The following TMCC1 variants were observed in gnomAD, a reference collection of about 807,000 sequenced individuals.
TMCC1 encodes transmembrane and coiled-coil domain family 1.
Under a neutral mutation model 52.4 loss-of-function variants are expected in TMCC1, and 15 were observed. The observed-to-expected ratio is 0.29, with a 90% CI of 0.19 to 0.44. The LOEUF is 0.44. Ranked by LOEUF, TMCC1 falls within the 20% of genes least tolerant of loss-of-function variation. The probability of loss-of-function intolerance (pLI) is 1.00; values close to 1 mark genes in which losing one functional copy is unlikely to be tolerated. For missense variants in TMCC1, 503 were observed against 806.0 expected, an observed-to-expected ratio of 0.62 and a Z score of 4.55; for synonymous variants, 279 against 301.9, an observed-to-expected ratio of 0.92 and a Z score of 0.79.
intron 4 of TMCC1, among the ~76,000 whole-genome samples, chr3:129,816,187 A>G (rs1203853564): frequency 6.6e-6 from 1 of 152,216 alleles, no homozygotes; most frequent in East Asian, 1.9e-4. Context: ...TCCTTTAAAA[A>G]TTAAAAATAG....
At position 129,828,623 on chromosome 3, in the gene TMCC1, C is replaced by G. The variant is rs1438290635; in HGVS notation, c.-130-115G>C. On this transcript the variant is annotated intron_variant, in intron 3 of 6. Transcript: ENST00000393238. This position sits in a 1 kb window ranked among gnomAD's most constrained non-coding sequence, Gnocchi z 4.1. ...ACATGCTACTGGCCAAACAAATAGGCACTATCATTAAGCAATCTTTAATCA... is the reference window on the plus strand; with the variant it reads ...ACATGCTACTGGCCAAACAAATAGGGACTATCATTAAGCAATCTTTAATCA... 2 of 424,450 alleles carry G rather than the reference C, an allele frequency of 4.7e-6. No individual in the cohort carries two copies. The highest frequency in any genetic ancestry group is 8.3e-6 in the Non-Finnish European group (2 of 240,326). The allele number at this position is 424,450 out of a possible 1,614,324, so 26.3% of individuals were successfully genotyped here. A position where few individuals can be genotyped will look rare whatever the true frequency, so the allele number is the denominator to read the frequency against.
At chr3:129,794,299 C>T (rs1326319685) in intron 4 of TMCC1, 1 of 456,100 alleles carries the variant, frequency 2.2e-6, no homozygotes, top group Non-Finnish European at 4.4e-6. Context: ...TTCCCCTCCA[C>T]AAACATAGAA....
chr3:129,694,740 A>G (rs997035527), intron 4 of TMCC1, among the ~76,000 whole-genome samples: 6 of 152,194 alleles, frequency 3.9e-5, no homozygotes, highest in African/African-American at 1.4e-4. Flanking sequence ...TGAATAATCT[A>G]CCCCTTGTTT....
At chr3:129,841,912 G>A (rs2059438167) in intron 2 of TMCC1, among the ~76,000 whole-genome samples, 1 of 152,178 alleles carries the variant, frequency 6.6e-6, no homozygotes, top group Non-Finnish European at 1.5e-5. Flanking sequence ...ATGCGGCACT[G>A]TGAGTCAATT....
chr3:129,673,105 G>A (rs1251526335), intron 4 of TMCC1, among the ~76,000 whole-genome samples: 2 of 152,152 alleles, frequency 1.3e-5, no homozygotes, highest in East Asian at 3.8e-4. Context: ...TGCACCACTA[G>A]TGAATAAAAG....
chr3:129,871,996 T>C (rs896115386), intron 2 of TMCC1, among the ~76,000 whole-genome samples: 22 of 152,234 alleles, frequency 1.4e-4, no homozygotes, highest in Middle Eastern at 3.2e-3. Flanking sequence ...AGCACTCTCA[T>C]AGACTGCTGA....
chr3:129,652,551 G>A (rs1395001555), intron 6 of TMCC1, among the ~76,000 whole-genome samples: 1 of 152,100 alleles, frequency 6.6e-6, no homozygotes, highest in East Asian at 1.9e-4. Context: ...AAGACCTAAG[G>A]CCATGCCAGA....
chr3:129,845,938 G>T (rs1358585938), intron 2 of TMCC1, among the ~76,000 whole-genome samples: 1 of 152,150 alleles, frequency 6.6e-6, no homozygotes, highest in Admixed American at 6.6e-5. Context: ...AGAGGCTGAG[G>T]TGCGAGGATT....
At chr3:129,687,593 A>G (rs151159513) in intron 4 of TMCC1, among the ~76,000 whole-genome samples, 158 of 152,344 alleles carry the variant, frequency 1.0e-3, no homozygotes, top group African/African-American at 3.4e-3. Context: ...AATAGAATTG[A>G]GTCTGGCAAA....
chr3:129,656,532 G>C (rs1399371959), intron 5 of TMCC1: 1 of 152,074 alleles, frequency 6.6e-6, no homozygotes, highest in East Asian at 1.9e-4. Context: ...CTGTGTTTAA[G>C]GTAATTTTTA....
rs117729965 is a variant in TMCC1 at position 129,817,014 on chromosome 3, C to T, written c.576+10789G>A. On this transcript the variant is annotated intron_variant, in intron 4 of 6. Coordinates refer to ENST00000393238, the MANE Select transcript of TMCC1 (RefSeq NM_001017395.5). ...CTGCACTCCAACCTGGGTGACAGAGCGAGAGCCTGTCTAAAAAGAAAAAAG... is the reference window on the plus strand; with the variant it reads ...CTGCACTCCAACCTGGGTGACAGAGTGAGAGCCTGTCTAAAAAGAAAAAAG... Among the ~76,000 whole-genome samples, 254 of 151,652 alleles carry T rather than the reference C, an allele frequency of 1.7e-3. 6 individuals carry two copies. In the East Asian group the frequency reaches 0.045, roughly 27 times the overall value.
intron 2 of TMCC1, among the ~76,000 whole-genome samples, chr3:129,851,231 G>A (rs1207719984): frequency 1.3e-5 from 2 of 151,942 alleles, no homozygotes; most frequent in African/African-American, 4.8e-5. Flanking sequence ...CAATTGCAAA[G>A]CTTCTGAATA....
chr3:129,835,599 T>C (rs2059123336), intron 2 of TMCC1, among the ~76,000 whole-genome samples: 1 of 152,186 alleles, frequency 6.6e-6, no homozygotes, highest in Non-Finnish European at 1.5e-5. Context: ...TCTTGTACTG[T>C]CCAAGAGTGT....
At chr3:129,710,030 C>A (rs1190155842) in intron 4 of TMCC1, among the ~76,000 whole-genome samples, 1 of 151,892 alleles carries the variant, frequency 6.6e-6, no homozygotes, top group Non-Finnish European at 1.5e-5. Context: ...ACTAAAAATA[C>A]AAAAAATTAG....
intron 4 of TMCC1, among the ~76,000 whole-genome samples, chr3:129,820,843 A>C (rs1433136755): frequency 6.6e-6 from 1 of 152,238 alleles, no homozygotes; most frequent in Non-Finnish European, 1.5e-5. Flanking sequence ...ATGGAAGCAA[A>C]GATAAACCAG....
At position 129,828,176 on chromosome 3, in the gene TMCC1, T is replaced by A; in HGVS notation, c.203A>T (p.His68Leu). Residue 68 changes from histidine (H) to leucine (L), a missense_variant, in exon 4 of 7, where the codon CAT becomes CTT. His to Leu is a moderately conservative substitution (Grantham distance 99). This residue lies in a region of TMCC1 where 217 missense variants were observed against 297.9 expected (regional missense o/e 0.73). Transcript: ENST00000393238. This position sits in a 1 kb window ranked among gnomAD's most constrained non-coding sequence, Gnocchi z 4.1. ...ATCTGCCTGAATTTGCTGCACATCATGTGGAGACACTGATGACCTCCTGCG... is the reference window on the plus strand; with the variant it reads ...ATCTGCCTGAATTTGCTGCACATCAAGTGGAGACACTGATGACCTCCTGCG... The part of the protein sequence containing the change: ...HQRRRSSVSP[H>L]DVQQIQADPE... 6.2e-7 allele frequency: 1 copy of A among 1,614,172 alleles called. No individual in the cohort carries two copies. The highest frequency in any genetic ancestry group is 1.3e-5 in the African/African-American group (1 of 75,056).
At chr3:129,807,261 T>C (rs1413849732) in intron 4 of TMCC1, among the ~76,000 whole-genome samples, 1 of 152,204 alleles carries the variant, frequency 6.6e-6, no homozygotes, top group Non-Finnish European at 1.5e-5. Context: ...AATGTTCCCA[T>C]TCTTATGTTG....
At chr3:129,652,914 C>T (rs916697807) in intron 6 of TMCC1, among the ~76,000 whole-genome samples, 4 of 152,260 alleles carry the variant, frequency 2.6e-5, no homozygotes, top group African/African-American at 4.8e-5. Context: ...TGTAACCCAA[C>T]TGCTTCAGGC....
At chr3:129,695,958 G>T (rs2047389080) in intron 4 of TMCC1, among the ~76,000 whole-genome samples, 1 of 152,078 alleles carries the variant, frequency 6.6e-6, no homozygotes, top group Admixed American at 6.5e-5. Context: ...AACGTTATGT[G>T]ACAAAGAAGA....
Sources: allele counts gnomAD v4.1 joint callset (sites outside exome capture counted in the v4.1 genomes callset), GRCh38; gene constraint gnomAD v4.1.1; regional missense constraint gnomAD v4.1.1; non-coding constraint Gnocchi (gnomAD v3.1); transcripts MANE v1.5; gene names NCBI Gene and HGNC (gene_info 2026-07-23, HGNC 2026-07-21).